MYO7A: variants seen among roughly 807,000 people sequenced by gnomAD.
MYO7A encodes myosin VIIA.
A neutral mutation model predicts 263.8 loss-of-function variants in MYO7A; 210 were observed. The observed-to-expected ratio is 0.80, with a 90% confidence interval of 0.71 to 0.89. The LOEUF is 0.89. MYO7A is among the 40% of genes least tolerant of loss of function. The pLI is 0.00. For missense variants in MYO7A, 2,820 were observed against 2,968.3 expected, an observed-to-expected ratio of 0.95 and a Z score of 1.16; for synonymous variants, 1,239 against 1,197.3, an observed-to-expected ratio of 1.03 and a Z score of -0.72.
In MYO7A at chr11:77,192,746, G is replaced by A. The variant is rs557739245; in HGVS notation, c.4152+468G>A. Among the ~76,000 whole-genome samples, 4 of 121,068 alleles carry A rather than the reference G, an allele frequency of 3.3e-5. No individual in the cohort carries two copies. The South Asian group carries it at 1.1e-3, about 34-fold the overall frequency. The allele number at this position is 121,068 out of a possible 152,430, so 79.4% of individuals were successfully genotyped here. A position where few individuals can be genotyped will look rare whatever the true frequency, so the allele number is the denominator to read the frequency against. ...TAGCTATGGTTCTGTTGGTGATTGT[G>A]ATGGAGGGATGAGAAAGGAGGTGGT... is the stretch of plus-strand genomic sequence containing the variant. On this transcript the variant is annotated intron_variant, in intron 31 of 48. Coordinates refer to ENST00000409709, the MANE Select transcript of MYO7A (RefSeq NM_000260.4).
intron 36 of MYO7A, 22 bp from the exon 37 acceptor site, chr11:77,202,278 C>T (rs572814490): frequency 2.5e-6 from 4 of 1,569,906 alleles, no homozygotes; most frequent in East Asian, 2.3e-5. Flanking sequence ...CTGACCTGAG[C>T]CCCCTGTCTC....
At chr11:77,159,866 C>T (rs1196134457) in intron 10 of MYO7A, among the ~76,000 whole-genome samples, 2 of 152,220 alleles carry the variant, frequency 1.3e-5, no homozygotes, top group Non-Finnish European at 2.9e-5. Flanking sequence ...TTAGCAAACA[C>T]TTATTAGGGT....
chr11:77,156,357 T>C (rs1952457293), intron 5 of MYO7A, among the ~76,000 whole-genome samples: 1 of 152,244 alleles, frequency 6.6e-6, no homozygotes, highest in African/African-American at 2.4e-5. Context: ...TTATGGTCAG[T>C]TGACATCTCA....
At chr11:77,205,750 C>G in intron 40 of MYO7A, 133 bp downstream of exon 40, 2 of 1,237,202 alleles carry the variant, frequency 1.6e-6, no homozygotes, top group Non-Finnish European at 1.1e-6. Context: ...CAACTGCCAG[C>G]TAGACGGAGG....
chr11:77,175,495 T>G (rs1565392730), intron 18 of MYO7A, 31 bp downstream of exon 18: 1 of 1,591,378 alleles, frequency 6.3e-7, no homozygotes, highest in Non-Finnish European at 8.6e-7. Flanking sequence ...TGGGCTGCCC[T>G]GGGGGGGCTG....
At chr11:77,187,354 A>G (rs1178202172) in intron 27 of MYO7A, among the ~76,000 whole-genome samples, 1 of 152,234 alleles carries the variant, frequency 6.6e-6, no homozygotes, top group Non-Finnish European at 1.5e-5. Flanking sequence ...GAAGTACAGT[A>G]AAATGAGGTG....
At chr11:77,178,902 G>A in intron 19 of MYO7A, 143 bp from the exon 20 acceptor site, 1 of 644,280 alleles carries the variant, frequency 1.6e-6, no homozygotes, top group Non-Finnish European at 2.8e-6. Flanking sequence ...GGAAGCTGAG[G>A]CACAGAAGTT....
In MYO7A at chr11:77,155,990, C is replaced by T. The variant is rs1555061599; in HGVS notation, c.369C>T (p.Thr123=). ...CGCCAGAGCACATCCGCCAGTATAC[C>T]AACAAGAAGATTGGGGAGATGCCCC... ...IYSPEHIRQY[T]NKKIGEMPPH... is the part of the protein sequence containing the mutation. The change falls in exon 5 of 49, where the codon ACC becomes ACT. Residue 123 remains threonine, a synonymous_variant. Coordinates refer to ENST00000409709, the MANE Select transcript of MYO7A (RefSeq NM_000260.4). The T allele has an allele frequency of 6.2e-7, 1 of 1,613,722 alleles. No individual in the cohort carries two copies. Among genetic ancestry groups the T allele is most frequent in the East Asian group, 2.2e-5 (1 of 44,882 alleles).
chr11:77,160,616 A>T (rs1485862170), intron 11 of MYO7A, among the ~76,000 whole-genome samples: 1 of 152,104 alleles, frequency 6.6e-6, no homozygotes, highest in African/African-American at 2.4e-5. Flanking sequence ...TTTGCCATTC[A>T]TCGAGCCTTC....
chr11:77,213,151 C>T (rs1957982317), intron 47 of MYO7A, 116 bp downstream of exon 47: 2 of 794,518 alleles, frequency 2.5e-6, no homozygotes, highest in Non-Finnish European at 4.0e-6. Context: ...GACTCATCCA[C>T]CCATCACGTG....
At position 77,184,706 on chromosome 11, in the gene MYO7A, C is replaced by A; in HGVS notation, c.3494C>A (p.Pro1165Gln). The A allele has an allele frequency of 6.2e-7, 1 of 1,600,154 alleles. No homozygotes were observed. The highest frequency in any genetic ancestry group is 8.5e-7 in the Non-Finnish European group (1 of 1,173,016). Residue 1165 changes from proline (P) to glutamine (Q), a missense_variant, in exon 27 of 49, where the codon CCA (proline) becomes CAA (glutamine). Transcript: ENST00000409709. Reference sequence around the variant, plus strand: ...ATCATCGGCAATGGCATCCTGCGGCCAGCACTCCGGTCAGTGCCGGGAGGC... The same window carrying A: ...ATCATCGGCAATGGCATCCTGCGGCAAGCACTCCGGTCAGTGCCGGGAGGC... ...HFIIGNGILR[P>Q]ALRDEIYCQI...
chr11:77,202,520 C>G, intron 37 of MYO7A, 96 bp downstream of exon 37: 1 of 1,466,572 alleles, frequency 6.8e-7, no homozygotes, highest in Non-Finnish European at 9.1e-7. Context: ...TGTGAAGCCC[C>G]CACCTGTGAG....
In MYO7A at chr11:77,172,835, C is replaced by T. The variant is rs1954248090; in HGVS notation, c.1885C>T (p.Gln629Ter). 6.4e-7 allele frequency: 1 copy of T among 1,552,532 alleles called. No homozygotes were observed. The highest frequency in any genetic ancestry group is 8.7e-7 in the Non-Finnish European group (1 of 1,147,586). Residue 629 changes from glutamine (Q) to a stop codon, truncating the protein, a stop_gained, in exon 16 of 49, where the codon CAG becomes TAG. Transcript: ENST00000409709. LOFTEE classifies it high-confidence loss of function. ...ELLMRTLGAC[Q>*]PFFVRCIKPN... is the part of the protein sequence containing the mutation. ...GCTGATGCGCACGCTGGGTGCCTGCCAGCCCTTCTTTGTGCGATGCATCAA... is the reference window on the plus strand; with the variant it reads ...GCTGATGCGCACGCTGGGTGCCTGCTAGCCCTTCTTTGTGCGATGCATCAA...
chr11:77,205,375 G>A, intron 39 of MYO7A, 87 bp from the exon 40 acceptor site: 1 of 1,456,266 alleles, frequency 6.9e-7, no homozygotes, highest in Non-Finnish European at 9.2e-7. Flanking sequence ...CAGCTGAGGG[G>A]TACATGGCCC....
At position 77,189,486 on chromosome 11, in the gene MYO7A, G is replaced by A. The variant is rs1555090491; in HGVS notation, c.3630+16G>A. ...GTTTGTCAAGGTAGGAAGGTGCCTG[G>A]CCTCCTGGAGTGGGAAGGGGAGCTA... On this transcript the variant is annotated intron_variant, in intron 28 of 48. Transcript: ENST00000409709. 1.9e-6 allele frequency: 3 copies of A among 1,613,602 alleles called. No individual in the cohort carries two copies. The highest frequency in any genetic ancestry group is 1.3e-5 in the African/African-American group (1 of 75,032).
intron 35 of MYO7A, among the ~76,000 whole-genome samples, chr11:77,200,234 G>C (rs754158474): frequency 4.0e-5 from 6 of 151,780 alleles, no homozygotes; most frequent in Non-Finnish European, 7.4e-5. Flanking sequence ...TTGTGCCACT[G>C]CAGTCCAGCC....
In MYO7A at chr11:77,166,122, A is replaced by G. The variant is rs782244537; in HGVS notation, c.1757A>G (p.Asn586Ser). 2.2e-5 allele frequency: 36 copies of G among 1,613,838 alleles called. No individual in the cohort carries two copies. Among genetic ancestry groups the G allele is most frequent in the African/African-American group, 1.2e-4 (9 of 74,910 alleles). ...ATCCAGCTGGTCCACTCCTCCAGGA[A>G]CAAGTTCATCAAGCAGATCTTCCAG... ...DIIQLVHSSR[N>S]KFIKQIFQAD... The change falls in exon 15 of 49, where the codon AAC becomes AGC. Residue 586 changes from asparagine to serine, a missense_variant. Coordinates refer to ENST00000409709, the MANE Select transcript of MYO7A (RefSeq NM_000260.4).
At position 77,166,099 on chromosome 11, in the gene MYO7A, C is replaced by A; in HGVS notation, c.1734C>A (p.Ile578=). The A allele has an allele frequency of 6.2e-7, 1 of 1,613,922 alleles. No individual in the cohort carries two copies. The highest frequency in any genetic ancestry group is 8.5e-7 in the Non-Finnish European group (1 of 1,179,870). ...KNRDTLHGDI[I]QLVHSSRNKF... is the part of the protein sequence containing the mutation. ...GAGACACCCTGCATGGGGACATTAT[C>A]CAGCTGGTCCACTCCTCCAGGAACA... Residue 578 remains isoleucine (I), a synonymous_variant, in exon 15 of 49, where the codon ATC becomes ATA. Transcript: ENST00000409709.
Position 77,211,199 on chromosome 11 carries a change from G to A in MYO7A, c.6099G>A (p.Glu2033=). The A allele has an allele frequency of 2.5e-6, 4 of 1,593,466 alleles. 1 individual carries two copies. The highest frequency in any genetic ancestry group is 2.3e-5 in the South Asian group (2 of 86,968). The change falls in exon 45 of 49, where the codon GAG becomes GAA. Residue 2033 remains glutamate, a synonymous_variant. Coordinates refer to ENST00000409709, the MANE Select transcript of MYO7A (RefSeq NM_000260.4). ...GCTACCACAAGTGCACGCGGGAGGA[G>A]GTGCTGCAGCTGGGGGCGCTGATCT... The part of the protein sequence containing the change: ...LRGYHKCTRE[E]VLQLGALIYR...
Sources: allele counts gnomAD v4.1 joint callset (sites outside exome capture counted in the v4.1 genomes callset), GRCh38; gene constraint gnomAD v4.1.1; transcripts MANE v1.5; gene names NCBI Gene and HGNC (gene_info 2026-07-23, HGNC 2026-07-21).